Variants in PRKAG2 observed in about 807,000 individuals in gnomAD.
PRKAG2 encodes the protein protein kinase AMP-activated non-catalytic subunit gamma 2.
In PRKAG2, 26 loss-of-function variants were observed where a neutral mutation model predicts 69.6. The ratio of observed to expected loss-of-function variants is 0.37; its 90% CI spans 0.27 to 0.52. The LOEUF (loss-of-function observed/expected upper bound fraction) is 0.52, where lower values mean the gene tolerates loss of function less well. PRKAG2 is among the 20% of genes least tolerant of loss of function. PRKAG2 has a pLI of 0.90. For synonymous variants in PRKAG2, 293 were observed against 285.0 expected (o/e 1.03, Z -0.28); for missense variants, 557 against 740.0 (o/e 0.75, Z 2.87).
At chr7:151,870,384 G>A (rs1211981947) in intron 1 of PRKAG2, among the ~76,000 whole-genome samples, 1 of 152,208 alleles carries the variant, frequency 6.6e-6, no homozygotes, top group Non-Finnish European at 1.5e-5. Context: ...CTACGAAGCA[G>A]AATTTTATAT....
At position 151,638,749 on chromosome 7, in the gene PRKAG2, A is replaced by G. The variant is rs1563321545; in HGVS notation, c.685-6611T>C. ...AACTTCAGCCTGAAAACTTAATCAT[A>G]AAACAATTGCCAAAAAAGCACTCCT... On this transcript the variant is annotated intron_variant, in intron 4 of 15. Coordinates refer to ENST00000287878, the MANE Select transcript of PRKAG2 (RefSeq NM_016203.4). This position sits in a 1 kb window ranked among gnomAD's most constrained non-coding sequence, Gnocchi z 4.3. Among the ~76,000 whole-genome samples, 1 of 152,204 alleles carries G rather than the reference A, an allele frequency of 6.6e-6. No homozygotes were observed. Among genetic ancestry groups the G allele is most frequent in the Non-Finnish European group, 1.5e-5 (1 of 68,028 alleles).
At chr7:151,859,384 A>C (rs548072468) in intron 1 of PRKAG2, among the ~76,000 whole-genome samples, 2 of 152,282 alleles carry the variant, frequency 1.3e-5, no homozygotes, top group East Asian at 3.9e-4. Flanking sequence ...GTGGGATGCG[A>C]CTGCCAGCCC....
chr7:151,654,096 TTTTC>T (rs145594766), intron 4 of PRKAG2, among the ~76,000 whole-genome samples: 8,395 of 152,214 alleles, frequency 0.055, 397 homozygotes, highest in East Asian at 0.2. Context: ...GATGCTGGGG[TTTTC>T]TTTATCTGTT....
At chr7:151,594,353 C>CTAAATGTA (rs1813933717) in intron 6 of PRKAG2, among the ~76,000 whole-genome samples, 1 of 152,204 alleles carries the variant, frequency 6.6e-6, no homozygotes, top group African/African-American at 2.4e-5. Flanking sequence ...AAACAATACA[C>CTAAATGTA]TAAATGTATA....
chr7:151,821,061 G>GAAGGAAAGTAGAAGAGAGCCTCCAACCTC (rs2078765900), intron 1 of PRKAG2, among the ~76,000 whole-genome samples: 7 of 152,270 alleles, frequency 4.6e-5, no homozygotes, highest in South Asian at 2.1e-4. Flanking sequence ...AAGCTGTGGA[G>GAAGGAAAGTAGAAGAGAGCCTCCAACCTC]ACAGGGAACA....
At chr7:151,702,801 A>G (rs551967191) in intron 3 of PRKAG2, among the ~76,000 whole-genome samples, 1 of 152,296 alleles carries the variant, frequency 6.6e-6, no homozygotes, top group African/African-American at 2.4e-5. Flanking sequence ...TGAGGGGATG[A>G]GGTGATGGCA....
rs541901082 is a variant in PRKAG2 at position 151,807,098 on chromosome 7, G to C, written c.115-20557C>G. 1 of 400,476 alleles carries C rather than the reference G, an allele frequency of 2.5e-6. No individual in the cohort carries two copies. Among genetic ancestry groups the C allele is most frequent in the East Asian group, 7.1e-5 (1 of 14,108 alleles). 24.8% of individuals were successfully genotyped at this position (400,476 alleles called of 1,614,324 possible). ...GGTGGGGAAGGGCAGAGGCTGTAAA[G>C]GGTCAGAGGGACCTTGTGGAGTGGT... On this transcript the variant is annotated intron_variant, in intron 1 of 15. Transcript: ENST00000287878. This position sits in a 1 kb window ranked among gnomAD's most constrained non-coding sequence, Gnocchi z 4.4.
intron 11 of PRKAG2, 75 bp downstream of exon 11, chr7:151,568,641 G>C: frequency 1.3e-6 from 2 of 1,528,662 alleles, no homozygotes; most frequent in Admixed American, 3.4e-5. Context: ...AGGGTAACAG[G>C]AGCCAATTTA....
intron 1 of PRKAG2, among the ~76,000 whole-genome samples, chr7:151,821,062 A>AAGGAAAGTAGAAGAGAGAGCCCCCAACCC (rs1184141184): frequency 6.6e-6 from 1 of 152,202 alleles, no homozygotes; most frequent in African/African-American, 2.4e-5. Flanking sequence ...AGCTGTGGAG[A>AAGGAAAGTAGAAGAGAGAGCCCCCAACCC]CAGGGAACAA....
At chr7:151,702,716 A>G (rs1837925895) in intron 3 of PRKAG2, among the ~76,000 whole-genome samples, 1 of 152,250 alleles carries the variant, frequency 6.6e-6, no homozygotes, top group South Asian at 2.1e-4. Context: ...TTATTGGATA[A>G]TAAGACTCTA....
intron 3 of PRKAG2, among the ~76,000 whole-genome samples, chr7:151,707,145 T>C (rs1017322464): frequency 6.6e-6 from 1 of 152,208 alleles, no homozygotes; most frequent in African/African-American, 2.4e-5. Flanking sequence ...TCCAAGCACC[T>C]GGATAGCAAC....
At chr7:151,714,429 G>A (rs963617362) in intron 3 of PRKAG2, among the ~76,000 whole-genome samples, 8 of 69,288 alleles carry the variant, frequency 1.2e-4, no homozygotes, top group Admixed American at 6.9e-4. Context: ...CCGGAGAGCC[G>A]TCCTCCCATC....
intron 1 of PRKAG2, chr7:151,806,774 T>C: frequency 5.8e-6 from 2 of 343,938 alleles, no homozygotes; most frequent in South Asian, 4.5e-5. Context: ...AAGACCAGCC[T>C]GGGCAACATG....
At chr7:151,801,961 G>A (rs999709838) in intron 1 of PRKAG2, among the ~76,000 whole-genome samples, 3 of 152,194 alleles carry the variant, frequency 2.0e-5, no homozygotes, top group African/African-American at 7.2e-5. Context: ...GGTCACTGAG[G>A]TGTCCCTGAC....
chr7:151,847,963 A>G (rs1463004010), intron 1 of PRKAG2, among the ~76,000 whole-genome samples: 2 of 152,230 alleles, frequency 1.3e-5, no homozygotes, highest in Non-Finnish European at 2.9e-5. Context: ...AGCAGTCAGG[A>G]AACACTATGA....
chr7:151,709,087 C>T lies in PRKAG2; in HGVS notation c.467-33450G>A, dbSNP rs118156863. On this transcript the variant is annotated intron_variant, in intron 3 of 15. Transcript: ENST00000287878. ...TTGAGTGACGTGTGTGACACTGACACGTGATATTGAGTGATATGACATTTT... is the reference window on the plus strand; with the variant it reads ...TTGAGTGACGTGTGTGACACTGACATGTGATATTGAGTGATATGACATTTT... Among the ~76,000 whole-genome samples, 1,106 of 152,126 alleles carry T rather than the reference C, an allele frequency of 7.3e-3. 13 individuals carry two copies. The highest frequency in any genetic ancestry group is 9.6e-3 in the Non-Finnish European group (650 of 68,012).
At chr7:151,707,543 T>C (rs780458511) in intron 3 of PRKAG2, among the ~76,000 whole-genome samples, 3 of 152,020 alleles carry the variant, frequency 2.0e-5, no homozygotes, top group Non-Finnish European at 4.4e-5. Context: ...GAATGGGAAT[T>C]TGAAGGCCAG....
chr7:151,611,805 G>A (rs1818938735), intron 5 of PRKAG2, among the ~76,000 whole-genome samples: 1 of 152,178 alleles, frequency 6.6e-6, no homozygotes, highest in Non-Finnish European at 1.5e-5. Flanking sequence ...TGTAATCCCA[G>A]CACTTTGGGA....
chr7:151,648,881 C>G (rs1318010778), intron 4 of PRKAG2, among the ~76,000 whole-genome samples: 2 of 149,674 alleles, frequency 1.3e-5, no homozygotes, highest in Non-Finnish European at 3.0e-5. Context: ...GGGGAAAAAT[C>G]AGGTATGTGA....
Sources: gnomAD v4.1 joint callset for allele counts (sites outside exome capture counted in the v4.1 genomes callset) on GRCh38, gnomAD v4.1.1 for gene constraint, Gnocchi (gnomAD v3.1) non-coding constraint, MANE v1.5 for transcripts, NCBI Gene and HGNC (gene_info 2026-07-23, HGNC 2026-07-21) for gene names.